The following PTPRG variants were observed in gnomAD, a reference collection of about 807,000 sequenced individuals.
The protein encoded by PTPRG is receptor-type tyrosine-protein phosphatase gamma.
In PTPRG, 102 loss-of-function variants were observed where a neutral mutation model predicts 165.3. The ratio of observed to expected loss-of-function variants is 0.62; its 90% CI spans 0.53 to 0.73. PTPRG has a LOEUF of 0.73. PTPRG is among the 30% of genes least tolerant of loss of function. The pLI is 0.00. For missense variants in PTPRG, 1,866 were observed against 1,861.4 expected, an observed-to-expected ratio of 1.00 and a Z score of -0.05; for synonymous variants, 675 against 669.5, an observed-to-expected ratio of 1.01 and a Z score of -0.13.
chr3:61,705,057 G>C (rs2031177708), intron 1 of PTPRG, among the ~76,000 whole-genome samples: 1 of 152,174 alleles, frequency 6.6e-6, no homozygotes, highest in Non-Finnish European at 1.5e-5. Flanking sequence ...CACAGGTGCT[G>C]GACAGTGAGC....
At chr3:61,861,923 G>A (rs2037282283) in intron 2 of PTPRG, among the ~76,000 whole-genome samples, 1 of 152,130 alleles carries the variant, frequency 6.6e-6, no homozygotes, top group East Asian at 1.9e-4. Context: ...GAACCTTATG[G>A]GGGCAGAATT....
At chr3:61,889,734 C>T (rs2038155655) in intron 2 of PTPRG, among the ~76,000 whole-genome samples, 1 of 152,184 alleles carries the variant, frequency 6.6e-6, no homozygotes, top group South Asian at 2.1e-4. Flanking sequence ...CACTCTTCCC[C>T]AGAAATCAAT....
chr3:61,985,917 A>G (rs190890981), intron 2 of PTPRG, among the ~76,000 whole-genome samples: 116 of 152,218 alleles, frequency 7.6e-4, no homozygotes, highest in Admixed American at 3.1e-3. Context: ...TTTGCAGCTT[A>G]TTTTACCTTG....
At chr3:61,870,476 C>CTTTT (rs869118813) in intron 2 of PTPRG, among the ~76,000 whole-genome samples, 6 of 17,966 alleles carry the variant, frequency 3.3e-4, no homozygotes, top group African/African-American at 1.4e-3. Flanking sequence ...CCACACCTAG[C>CTTTT]TTTTTTTTTT....
chr3:62,075,162 A>T (rs1470953127), intron 4 of PTPRG, among the ~76,000 whole-genome samples: 2 of 152,158 alleles, frequency 1.3e-5, no homozygotes, highest in Non-Finnish European at 2.9e-5. Context: ...CCCACTTGTA[A>T]ATGAAAATGC....
chr3:62,011,124 C>A (rs2041412324), intron 4 of PTPRG, among the ~76,000 whole-genome samples: 1 of 152,158 alleles, frequency 6.6e-6, no homozygotes, highest in African/African-American at 2.4e-5. Context: ...TTCCTGGTGG[C>A]TCCACCCCAT....
intron 2 of PTPRG, among the ~76,000 whole-genome samples, chr3:61,936,521 A>G (rs1010971261): frequency 6.6e-6 from 1 of 151,974 alleles, no homozygotes; most frequent in African/African-American, 2.4e-5. Flanking sequence ...GTCACATTCA[A>G]CCCCCTACCC....
At chr3:62,032,497 G>A (rs1010468609) in intron 4 of PTPRG, among the ~76,000 whole-genome samples, 5 of 152,128 alleles carry the variant, frequency 3.3e-5, no homozygotes, top group Admixed American at 3.3e-4. Context: ...TTGTGGCTAG[G>A]AAGAGACAAA....
At chr3:62,067,364 G>A (rs1320949585) in intron 4 of PTPRG, among the ~76,000 whole-genome samples, 1 of 151,628 alleles carries the variant, frequency 6.6e-6, no homozygotes, top group Non-Finnish European at 1.5e-5. Flanking sequence ...GAGCACCCCT[G>A]GCCTCTACCT....
At chr3:61,626,011 GTT>G (rs1368296932) in intron 1 of PTPRG, among the ~76,000 whole-genome samples, 4 of 117,882 alleles carry the variant, frequency 3.4e-5, no homozygotes, top group African/African-American at 1.1e-4. Flanking sequence ...GGGTTTGTTT[GTT>G]TTTTTTTTTT....
chr3:61,923,513 C>T (rs11714513), intron 2 of PTPRG, among the ~76,000 whole-genome samples: 20,503 of 150,848 alleles, frequency 0.14, 2,050 homozygotes, highest in East Asian at 0.44. Flanking sequence ...CCCATTAACT[C>T]GTCATTTAGC....
chr3:62,126,162 G>T (rs1057479462), intron 5 of PTPRG, among the ~76,000 whole-genome samples: 6 of 152,180 alleles, frequency 3.9e-5, no homozygotes, highest in Non-Finnish European at 5.9e-5. Flanking sequence ...CTGTCACCCT[G>T]CGGGGATTGG....
In PTPRG at chr3:61,648,021, C is replaced by G. The variant is rs117191303; in HGVS notation, c.85+85649C>G. On this transcript the variant is annotated intron_variant, in intron 1 of 29. Coordinates refer to ENST00000474889, the MANE Select transcript of PTPRG (RefSeq NM_002841.4). ...GTCCTCTTGGGTTTTATTTTTCTGT[C>G]TTGCTTTTGATATGCCTGAAGCCCA... is the stretch of plus-strand genomic sequence containing the variant. Among the ~76,000 whole-genome samples the G allele has an allele frequency of 4.6e-3, 703 of 152,080 alleles. 12 individuals are homozygous for G. The East Asian group carries it at 0.068, about 15-fold the overall frequency.
At chr3:61,678,054 A>G (rs1293066346) in intron 1 of PTPRG, among the ~76,000 whole-genome samples, 2 of 152,150 alleles carry the variant, frequency 1.3e-5, no homozygotes, top group Admixed American at 6.5e-5. Flanking sequence ...TGGGCAGATG[A>G]GGATGTTTTA....
At chr3:61,992,629 C>T (rs1411413567) in intron 3 of PTPRG, among the ~76,000 whole-genome samples, 3 of 152,140 alleles carry the variant, frequency 2.0e-5, no homozygotes, top group Admixed American at 6.5e-5. Flanking sequence ...AAGCAATTCT[C>T]CCACCTCAGC....
At position 62,271,246 on chromosome 3, in the gene PTPRG, A is replaced by AG. The variant is rs1237775718; in HGVS notation, c.3010-132dup. The AG allele has an allele frequency of 2.8e-5, 19 of 676,556 alleles. No individual in the cohort carries two copies. Among genetic ancestry groups the AG allele is most frequent in the Non-Finnish European group, 1.2e-5 (5 of 421,192 alleles). 41.9% of individuals were successfully genotyped at this position (676,556 alleles called of 1,614,324 possible). Reference sequence around the variant, plus strand: ...TTTAATGGCATGAAAGTTGGCTACAAGGGGGAATAACCTAGCCTGGGAACA... The same window carrying AG: ...TTTAATGGCATGAAAGTTGGCTACAAGGGGGGAATAACCTAGCCTGGGAACA... On this transcript the variant is annotated intron_variant, in intron 20 of 29. Transcript: ENST00000474889. This position sits in a 1 kb window ranked among gnomAD's most constrained non-coding sequence, Gnocchi z 4.1.
At chr3:62,154,318 T>C (rs898979248) in intron 6 of PTPRG, among the ~76,000 whole-genome samples, 1 of 152,124 alleles carries the variant, frequency 6.6e-6, no homozygotes, top group Non-Finnish European at 1.5e-5. Flanking sequence ...AGCCAGGCCC[T>C]CCTCCCCTGT....
chr3:62,227,477 A>G (rs545331983), intron 13 of PTPRG, among the ~76,000 whole-genome samples: 1 of 152,328 alleles, frequency 6.6e-6, no homozygotes, highest in South Asian at 2.1e-4. Flanking sequence ...TCCAGCAGCC[A>G]TGTGTGGTAG....
intron 4 of PTPRG, among the ~76,000 whole-genome samples, chr3:62,004,648 G>A (rs1190020000): frequency 6.6e-6 from 1 of 152,206 alleles, no homozygotes; most frequent in Non-Finnish European, 1.5e-5. Context: ...GGCGATGCTT[G>A]TGATCTCAGT....
Sources: gnomAD v4.1 joint callset for allele counts (sites outside exome capture counted in the v4.1 genomes callset) on GRCh38, gnomAD v4.1.1 for gene constraint, Gnocchi (gnomAD v3.1) non-coding constraint, MANE v1.5 for transcripts, NCBI Gene and HGNC (gene_info 2026-07-23, HGNC 2026-07-21) for gene names.